The following SLC71A1 variants were observed in gnomAD, a reference collection of about 807,000 sequenced individuals.
The protein encoded by SLC71A1 is solute carrier family 71 member 1, also known as hippocampus abundant gene transcript 1.
At chr1:100,078,305 G>T in the SLC71A1 span, 1 of 570,628 alleles carries the variant, frequency 1.8e-6, no homozygotes. Flanking sequence ...ATTGTTAAGC[G>T]ACTTGCCCAT....
the SLC71A1 span, chr1:100,082,164 G>T: frequency 6.2e-7 from 1 of 1,614,066 alleles, no homozygotes; most frequent in Non-Finnish European, 8.5e-7. Context: ...ATACACAAGC[G>T]CCAGGAGAGG....
At chr1:100,068,127 T>C in the SLC71A1 span, 1 of 1,614,216 alleles carries the variant, frequency 6.2e-7, no homozygotes. Context: ...GCCAGAGTCG[T>C]TGCCTGAGAA....
the SLC71A1 span, chr1:100,083,157 A>G: frequency 6.6e-6 from 1 of 152,442 alleles, no homozygotes; most frequent in African/African-American, 2.4e-5. Flanking sequence ...ATTTCTCTAA[A>G]GTGTATATTT....
At chr1:100,081,402 T>TA in the SLC71A1 span, among the ~76,000 whole-genome samples, 1 of 152,188 alleles carries the variant, frequency 6.6e-6, no homozygotes, top group South Asian at 2.1e-4. Flanking sequence ...GAGACAGTCT[T>TA]ACTCTGTCAC....
At chr1:100,045,985 T>C in the SLC71A1 span, among the ~76,000 whole-genome samples, 6,725 of 152,190 alleles carry the variant, frequency 0.044, 174 homozygotes, top group African/African-American at 0.06. Context: ...CTTCTGTATA[T>C]GGATATCCAC....
At chr1:100,038,416 T>TCCCTTCCCCCA in the SLC71A1 span, 1 of 959,186 alleles carries the variant, frequency 1.0e-6, no homozygotes, top group East Asian at 2.7e-5. Context: ...GGTGCCTCCC[T>TCCCTTCCCCCA]CCCTTCCCCC....
the SLC71A1 span, chr1:100,060,081 C>A: frequency 7.4e-7 from 1 of 1,355,632 alleles, no homozygotes; most frequent in Non-Finnish European, 1.0e-6. Context: ...TTATTTCTTT[C>A]ACTTGTGCCA....
At chr1:100,062,914 TAAA>T in the SLC71A1 span, among the ~76,000 whole-genome samples, 4 of 116,178 alleles carry the variant, frequency 3.4e-5, no homozygotes, top group Admixed American at 2.8e-4. Context: ...TGTCTCTATT[TAAA>T]AAAAAAAAAA....
At chr1:100,069,417 G>A in the SLC71A1 span, among the ~76,000 whole-genome samples, 2 of 152,120 alleles carry the variant, frequency 1.3e-5, no homozygotes, top group South Asian at 4.1e-4. Context: ...CCACATTGAG[G>A]GACCCACCAT....
chr1:100,056,786 G>A, the SLC71A1 span, among the ~76,000 whole-genome samples: 1 of 152,106 alleles, frequency 6.6e-6, no homozygotes, highest in Non-Finnish European at 1.5e-5. Context: ...CTTAGTGATT[G>A]TACTAATTTA....
At chr1:100,044,807 C>T in the SLC71A1 span, among the ~76,000 whole-genome samples, 2 of 152,186 alleles carry the variant, frequency 1.3e-5, no homozygotes, top group South Asian at 2.1e-4. Context: ...CATGCCTAGG[C>T]GGCTATAAGT....
At chr1:100,068,673 AAG>A in the SLC71A1 span, 1 of 828,336 alleles carries the variant, frequency 1.2e-6, no homozygotes, top group Non-Finnish European at 2.0e-6. Context: ...ACTGTAATAG[AAG>A]TGGCCTTTAA....
the SLC71A1 span, chr1:100,058,050 T>G: frequency 6.6e-6 from 1 of 152,246 alleles, no homozygotes; most frequent in South Asian, 2.1e-4. Context: ...GCCTTTTCAT[T>G]TGATGCATTC....
At chr1:100,068,816 T>G in the SLC71A1 span, among the ~76,000 whole-genome samples, 1 of 151,930 alleles carries the variant, frequency 6.6e-6, no homozygotes, top group Non-Finnish European at 1.5e-5. Flanking sequence ...AATCCTATGC[T>G]TACTAAAAAT....
chr1:100,058,571 T>C, the SLC71A1 span: 1 of 701,938 alleles, frequency 1.4e-6, no homozygotes, highest in South Asian at 1.7e-5. Flanking sequence ...ATAAATCAGA[T>C]TGTAGTATGA....
At chr1:100,046,519 C>A in the SLC71A1 span, among the ~76,000 whole-genome samples, 3 of 152,128 alleles carry the variant, frequency 2.0e-5, no homozygotes, top group Non-Finnish European at 4.4e-5. Context: ...AGTCACTGTG[C>A]CCAGCCTCCA....
chr1:100,065,565 CCTTTT>C, the SLC71A1 span, among the ~76,000 whole-genome samples: 1 of 140,884 alleles, frequency 7.1e-6, no homozygotes, highest in Non-Finnish European at 1.5e-5. Flanking sequence ...CCTTTCCTTT[CCTTTT>C]CTCTTTTCCC....
the SLC71A1 span, chr1:100,077,018 G>A: frequency 1.8e-6 from 1 of 569,962 alleles, no homozygotes; most frequent in South Asian, 2.4e-5. Context: ...ATGTGACCTG[G>A]ACTAGTGATC....
At chr1:100,052,866 C>T in the SLC71A1 span, among the ~76,000 whole-genome samples, 1 of 151,828 alleles carries the variant, frequency 6.6e-6, no homozygotes, top group African/African-American at 2.4e-5. Flanking sequence ...TCACTGCAAC[C>T]TCCACCTCCC....
Sources: gnomAD v4.1 joint callset for allele counts (sites outside exome capture counted in the v4.1 genomes callset) on GRCh38, gnomAD v4.1.1 for gene constraint, MANE v1.5 for transcripts, NCBI Gene and HGNC (gene_info 2026-07-23, HGNC 2026-07-21) for gene names.